The following VIRMA variants were observed in gnomAD, a reference collection of about 807,000 sequenced individuals.
VIRMA encodes the protein protein virilizer homolog.
A neutral mutation model predicts 182.4 loss-of-function variants in VIRMA; 65 were observed. The ratio of observed to expected loss-of-function variants is 0.36; its 90% CI spans 0.29 to 0.44. The LOEUF (loss-of-function observed/expected upper bound fraction) is 0.44. Ranked by LOEUF, VIRMA falls within the 20% of genes least tolerant of loss-of-function variation. VIRMA has a pLI of 1.00. For synonymous variants in VIRMA, 709 were observed against 743.1 expected (o/e 0.95, Z 0.75); for missense variants, 1,752 against 2,158.1 (o/e 0.81, Z 3.73).
intron 5 of VIRMA, chr8:94,534,443 T>C (rs1221306276): frequency 5.2e-6 from 1 of 191,942 alleles, no homozygotes; most frequent in Admixed American, 5.8e-5. Flanking sequence ...ATGTCACCAC[T>C]TCAACATAAA....
intron 18 of VIRMA, 74 bp from the exon 19 acceptor site, chr8:94,495,965 G>A: frequency 7.5e-7 from 1 of 1,327,242 alleles, no homozygotes; most frequent in South Asian, 1.4e-5. Context: ...CTCTTTCGTA[G>A]AAAAGGCTAT....
rs990676917 is a variant in VIRMA at position 94,508,735 on chromosome 8, T to C, written c.3879+953A>G. ...AAAAGTTCTTTCTTGACCTGAGTCT[T>C]AAATGTAACCAAACTGAATATTTGT... is the stretch of plus-strand genomic sequence containing the variant. On this transcript the variant is annotated intron_variant, in intron 15 of 23. Transcript: ENST00000297591. Among the ~76,000 whole-genome samples, 9 of 151,622 alleles carry C rather than the reference T, an allele frequency of 5.9e-5. 1 individual carries two copies. The highest frequency in any genetic ancestry group is 3.3e-4 in the Admixed American group (5 of 15,252).
intron 14 of VIRMA, 111 bp downstream of exon 14, chr8:94,510,306 T>C: frequency 1.4e-6 from 1 of 717,594 alleles, no homozygotes; most frequent in Non-Finnish European, 2.3e-6. Context: ...TATATTTACA[T>C]GTATATATGT....
chr8:94,552,687 A>C (rs74615015), intron 1 of VIRMA, among the ~76,000 whole-genome samples: 9,910 of 152,244 alleles, frequency 0.065, 483 homozygotes, highest in Non-Finnish European at 0.1. Context: ...TTGTACATTA[A>C]GGGGCGCTCA....
chr8:94,495,510 C>T (rs1813739099), intron 19 of VIRMA, among the ~76,000 whole-genome samples: 1 of 149,516 alleles, frequency 6.7e-6, no homozygotes, highest in Non-Finnish European at 1.5e-5. Flanking sequence ...ATTTTATCTG[C>T]TAGTTTGTTT....
rs747011170 is a variant in VIRMA at position 94,488,836 on chromosome 8, C to T, written c.5309G>A (p.Arg1770His). ...AAGTCCCCCACGACCTCTAGAAGCACGGTCCCGAGGACTTGGGCGGTAACC... is the reference window on the plus strand; with the variant it reads ...AAGTCCCCCACGACCTCTAGAAGCATGGTCCCGAGGACTTGGGCGGTAACC... Reference protein sequence around the residue: ...STGYRPSPRDRASRGRGGLGP... With the variant: ...STGYRPSPRDHASRGRGGLGP... The change falls in exon 24 of 24, where the codon CGT (arginine) becomes CAT (histidine). Residue 1770 changes from arginine (R) to histidine (H), a missense_variant. Arg to His is a conservative substitution (Grantham distance 29). Transcript: ENST00000297591. The T allele has an allele frequency of 5.0e-6, 8 of 1,614,100 alleles. No individual in the cohort carries two copies. Among genetic ancestry groups the T allele is most frequent in the East Asian group, 4.5e-5 (2 of 44,878 alleles).
chr8:94,510,784 TAC>T lies in VIRMA; in HGVS notation c.3391-134_3391-133del, dbSNP rs531483315. 96 of 782,476 alleles carry T rather than the reference TAC, an allele frequency of 1.2e-4. No homozygotes were observed. The African/African-American group carries it at 1.6e-3, about 13-fold the overall frequency. The allele number at this position is 782,476 out of a possible 1,614,324, so 48.5% of individuals were successfully genotyped here. A position where few individuals can be genotyped will look rare whatever the true frequency, so the allele number is the denominator to read the frequency against. ...GCTTAAAACATTTAATTTTCTATTA[TAC>T]AGTTAAACATTTGCTTGAATTCAAT... On this transcript the variant is annotated intron_variant, in intron 13 of 23. Coordinates refer to ENST00000297591, the MANE Select transcript of VIRMA (RefSeq NM_015496.5).
At chr8:94,499,245 C>A in intron 17 of VIRMA, 129 bp downstream of exon 17, 2 of 568,890 alleles carry the variant, frequency 3.5e-6, no homozygotes, top group Non-Finnish European at 5.7e-6. Context: ...AAGAGATCCT[C>A]CCACCTCAGC....
At chr8:94,529,458 T>TA (rs557961393) in intron 6 of VIRMA, 116 bp from the exon 7 acceptor site, 480 of 574,228 alleles carry the variant, frequency 8.4e-4, no homozygotes, top group Middle Eastern at 1.4e-3. Context: ...TAAATACCCT[T>TA]AAAAAAAAAG....
In VIRMA at chr8:94,491,860, G is replaced by T. The variant is rs1194676484; in HGVS notation, c.4858C>A (p.Pro1620Thr). The T allele has an allele frequency of 1.2e-6, 2 of 1,612,314 alleles. No homozygotes were observed. The highest frequency in any genetic ancestry group is 2.2e-5 in the East Asian group (1 of 44,858). The change falls in exon 22 of 24, where the codon CCA becomes ACA. Residue 1620 changes from proline (P) to threonine (T), a missense_variant. Pro to Thr is a conservative substitution (Grantham distance 38, BLOSUM62 -1). This residue lies in a region of VIRMA where 27 missense variants were observed against 60.8 expected (regional missense o/e 0.44). Transcript: ENST00000297591. The part of the protein sequence containing the change: ...EPAKRAHVVP[P>T]PRGRGRGGFG... Reference sequence around the variant, plus strand: ...CCTCCCCTGCCCCTTCCTCTTGGTGGTGGCACAACATGAGCTCTTTTGGCA... The same window carrying T: ...CCTCCCCTGCCCCTTCCTCTTGGTGTTGGCACAACATGAGCTCTTTTGGCA...
intron 17 of VIRMA, 56 bp from the exon 18 acceptor site, chr8:94,496,536 T>G (rs1010127404): frequency 1.4e-6 from 2 of 1,412,540 alleles, no homozygotes; most frequent in African/African-American, 1.4e-5. Context: ...CAAAGATGCA[T>G]CCACACTTAT....
At chr8:94,538,110 A>C (rs1563479498) in intron 3 of VIRMA, 150 bp downstream of exon 3, 10 of 614,308 alleles carry the variant, frequency 1.6e-5, no homozygotes, top group Non-Finnish European at 1.5e-5. Flanking sequence ...TAGGAGTTTG[A>C]CATTTCTTTA....
At chr8:94,508,204 C>T (rs1814237288) in intron 15 of VIRMA, among the ~76,000 whole-genome samples, 2 of 152,034 alleles carry the variant, frequency 1.3e-5, no homozygotes, top group Admixed American at 1.3e-4. Context: ...ATTCTCCTGC[C>T]TCTGCCTCCC....
At chr8:94,553,281 T>G (rs1816071505) in intron 1 of VIRMA, 104 bp downstream of exon 1, 2 of 1,164,416 alleles carry the variant, frequency 1.7e-6, no homozygotes, top group Non-Finnish European at 2.6e-6. Context: ...AAGCGAGAAA[T>G]TAAAGAAGCA....
chr8:94,492,794 A>C lies in VIRMA; in HGVS notation c.4666T>G (p.Ser1556Ala). The C allele has an allele frequency of 6.2e-7, 1 of 1,613,756 alleles. No individual in the cohort carries two copies. Among genetic ancestry groups the C allele is most frequent in the Non-Finnish European group, 8.5e-7 (1 of 1,179,788 alleles). The change falls in exon 21 of 24, where the codon TCT becomes GCT. Residue 1556 changes from serine (S) to alanine (A), a missense_variant. Physicochemically the swap from Ser to Ala is moderately conservative, Grantham distance 99. Around this residue, in one of 11 missense-constraint regions of VIRMA, gnomAD observed 777 missense variants for 920.6 expected, o/e 0.84. Transcript: ENST00000297591. ...TCAAAGTCACTACAGCATTTTTCAGAGAGTTCAATTAAGTCAACCTTTACC... is the reference window on the plus strand; with the variant it reads ...TCAAAGTCACTACAGCATTTTTCAGCGAGTTCAATTAAGTCAACCTTTACC... ...DLVKVDLIELSEKCCSDFDLH... is the reference protein window; with the variant it reads ...DLVKVDLIELAEKCCSDFDLH...
Position 94,530,212 on chromosome 8 carries a change from A to G in VIRMA, c.607+751T>C, listed in dbSNP as rs754235511. Among the ~76,000 whole-genome samples the G allele has an allele frequency of 1.2e-4, 18 of 152,292 alleles. No individual in the cohort carries two copies. The South Asian group carries it at 3.7e-3, about 32-fold the overall frequency. ...TTTTAACAAGTTAACTGGCTGACAG[A>G]AAGAAAAATACAATTAGTGGCCAGG... On this transcript the variant is annotated intron_variant, in intron 6 of 23. Transcript: ENST00000297591.
chr8:94,512,088 T>C lies in VIRMA; in HGVS notation c.2753A>G (p.Asn918Ser), dbSNP rs1210907910. 6.8e-7 allele frequency: 1 copy of C among 1,461,706 alleles called. No individual in the cohort carries two copies. Among genetic ancestry groups the C allele is most frequent in the Non-Finnish European group, 9.1e-7 (1 of 1,100,770 alleles). 90.5% of individuals were successfully genotyped at this position (1,461,706 alleles called of 1,614,324 possible). ...TTCTGGGGTCATCAAGTTATCGATA[T>C]TCTTTAAAAATGAAAATGAACAGAA... ...IPNLIEYVKQ[N>S]IDNLMTPEGV... Residue 918 changes from asparagine to serine, a missense_variant and splice_region_variant, in exon 12 of 24, where the codon AAT becomes AGT. Asn to Ser is a conservative substitution (Grantham distance 46). Transcript: ENST00000297591.
At chr8:94,548,719 G>C (rs559320040) in intron 1 of VIRMA, among the ~76,000 whole-genome samples, 1 of 144,496 alleles carries the variant, frequency 6.9e-6, no homozygotes, top group Admixed American at 6.7e-5. Context: ...GCAGTGGCAC[G>C]ATCTAGCCTC....
At chr8:94,492,997 C>T (rs758018673) in intron 20 of VIRMA, among the ~76,000 whole-genome samples, 179 bp from the exon 21 acceptor site, 1 of 152,164 alleles carries the variant, frequency 6.6e-6, no homozygotes, top group Non-Finnish European at 1.5e-5. Flanking sequence ...AACAAACACA[C>T]ACACACACCT....
Sources: allele counts gnomAD v4.1 joint callset (sites outside exome capture counted in the v4.1 genomes callset), GRCh38; gene constraint gnomAD v4.1.1; regional missense constraint gnomAD v4.1.1; transcripts MANE v1.5; gene names NCBI Gene and HGNC (gene_info 2026-07-23, HGNC 2026-07-21).